Variants in ITIH2 observed in about 807,000 individuals in gnomAD.
ITIH2 encodes the protein inter-alpha-trypsin inhibitor heavy chain 2, also known as inter-alpha-trypsin inhibitor heavy chain H2.
In ITIH2, 103 loss-of-function variants were observed where a neutral mutation model predicts 104.4. The observed-to-expected ratio is 0.99, with a 90% CI of 0.84 to 1.16. ITIH2 has a LOEUF of 1.16. ITIH2 is among the 50% of genes most tolerant of loss of function. The pLI is 0.00. For missense variants in ITIH2, 1,108 were observed against 1,162.4 expected, an observed-to-expected ratio of 0.95 and a Z score of 0.68; for synonymous variants, 436 against 435.4, an observed-to-expected ratio of 1.00 and a Z score of -0.02.
Position 7,726,932 on chromosome 10 carries a change from T to A in ITIH2, c.985-18T>A. ...GATTTTCTGTAATGGGACCTGTCTTTATTCTCTATTGAAATAGACTGTGGA... is the reference window on the plus strand; with the variant it reads ...GATTTTCTGTAATGGGACCTGTCTTAATTCTCTATTGAAATAGACTGTGGA... On this transcript the variant is annotated intron_variant, in intron 9 of 20. Transcript: ENST00000358415. 1 of 1,579,262 alleles carries A rather than the reference T, an allele frequency of 6.3e-7. No individual in the cohort carries two copies. Among genetic ancestry groups the A allele is most frequent in the Non-Finnish European group, 8.6e-7 (1 of 1,160,346 alleles).
chr10:7,727,101 A>G lies in ITIH2; in HGVS notation c.1136A>G (p.Lys379Arg). The G allele has an allele frequency of 6.2e-7, 1 of 1,614,042 alleles. No individual in the cohort carries two copies. The highest frequency in any genetic ancestry group is 8.5e-7 in the Non-Finnish European group (1 of 1,179,914). ...GCAGATGCCAAGAGGTATATTGAGA[A>G]AATCCAGCCCAGTGGAGGTGAGTGT... is the stretch of plus-strand genomic sequence containing the variant. ...QVADAKRYIEKIQPSGGTNIN... is the reference protein window; with the variant it reads ...QVADAKRYIERIQPSGGTNIN... The change falls in exon 10 of 21, where the codon AAA becomes AGA. Residue 379 changes from lysine (K) to arginine (R), a missense_variant. Coordinates refer to ENST00000358415, the MANE Select transcript of ITIH2 (RefSeq NM_002216.3).
At chr10:7,743,872 TATTAA>T (rs1316337072) in intron 17 of ITIH2, among the ~76,000 whole-genome samples, 4 of 150,884 alleles carry the variant, frequency 2.7e-5, no homozygotes, top group Middle Eastern at 3.6e-3. Flanking sequence ...GATATAAAAT[TATTAA>T]ATTAAATTTT....
In ITIH2 at chr10:7,717,386, C is replaced by T. The variant is rs185810657; in HGVS notation, c.468-240C>T. On this transcript the variant is annotated intron_variant, in intron 5 of 20. Coordinates refer to ENST00000358415, the MANE Select transcript of ITIH2 (RefSeq NM_002216.3). ...ATCCCTGGTAGTTTTTTGCAGACAA[C>T]ACTCAAGTCAGTAAGAAGCTCTGGG... Among the ~76,000 whole-genome samples the T allele has an allele frequency of 2.0e-5, 3 of 152,318 alleles. No individual in the cohort carries two copies. The East Asian group carries it at 5.8e-4, about 29-fold the overall frequency.
intron 5 of ITIH2, among the ~76,000 whole-genome samples, chr10:7,713,705 T>G (rs1834819395): frequency 6.6e-6 from 1 of 152,248 alleles, no homozygotes; most frequent in South Asian, 2.1e-4. Flanking sequence ...TTTTTAATTG[T>G]AGTTGTTGTT....
intron 11 of ITIH2, among the ~76,000 whole-genome samples, chr10:7,729,014 A>C (rs901113329): frequency 6.6e-6 from 1 of 152,200 alleles, no homozygotes; most frequent in Non-Finnish European, 1.5e-5. Context: ...AAGGAAATAT[A>C]GTTTAAAATA....
intron 16 of ITIH2, among the ~76,000 whole-genome samples, chr10:7,740,714 C>T (rs968731414): frequency 1.3e-5 from 2 of 152,116 alleles, no homozygotes; most frequent in Non-Finnish European, 1.5e-5. Context: ...ACACATCTGC[C>T]CCATGACCTT....
intron 5 of ITIH2, among the ~76,000 whole-genome samples, chr10:7,717,272 T>G (rs1834859301): frequency 6.6e-6 from 1 of 152,284 alleles, no homozygotes; most frequent in East Asian, 1.9e-4. Flanking sequence ...TTTTTTATCA[T>G]CTGAAAAGTC....
intron 4 of ITIH2, among the ~76,000 whole-genome samples, chr10:7,711,630 G>A (rs1834797779): frequency 6.6e-6 from 1 of 152,168 alleles, no homozygotes; most frequent in South Asian, 2.1e-4. Context: ...CTTGGCAAGA[G>A]TCACCTGTCT....
Position 7,730,299 on chromosome 10 carries a change from T to TC in ITIH2, c.1461+172dup, listed in dbSNP as rs1241299089. Among the ~76,000 whole-genome samples the TC allele has an allele frequency of 3.9e-5, 6 of 152,136 alleles. No individual in the cohort carries two copies. The South Asian group carries it at 1.2e-3, about 32-fold the overall frequency. The stretch of plus-strand genomic sequence containing the variant: ...GTGCCCAGTTCCTTTCTCACATGTT[T>TC]CCCCCCACCCTCATATTTCTGCAGT... On this transcript the variant is annotated intron_variant, in intron 12 of 20. Transcript: ENST00000358415.
intron 20 of ITIH2, 109 bp from the exon 21 acceptor site, chr10:7,749,078 G>A (rs1202627943): frequency 1.9e-6 from 2 of 1,064,570 alleles, no homozygotes; most frequent in Non-Finnish European, 2.8e-6. Context: ...TAGGTGGGGG[G>A]CGGCAGATGT....
intron 5 of ITIH2, among the ~76,000 whole-genome samples, chr10:7,714,698 C>T (rs574087995): frequency 9.8e-4 from 149 of 152,228 alleles, no homozygotes; most frequent in Non-Finnish European, 1.6e-3. Context: ...GAACCTGTGA[C>T]AACAATATCT....
At chr10:7,732,579 C>T in intron 14 of ITIH2, 102 bp downstream of exon 14, 1 of 1,251,652 alleles carries the variant, frequency 8.0e-7, no homozygotes, top group Non-Finnish European at 1.1e-6. Context: ...GCAAGAAAGA[C>T]AGCACATTAG....
intron 15 of ITIH2, among the ~76,000 whole-genome samples, chr10:7,735,921 C>T (rs2130958978): frequency 6.6e-6 from 1 of 152,300 alleles, no homozygotes; most frequent in South Asian, 2.1e-4. Context: ...GATCCACTTG[C>T]CTTGGCCTCC....
At position 7,707,251 on chromosome 10, in the gene ITIH2, T is replaced by A; in HGVS notation, c.192+18T>A. On this transcript the variant is annotated intron_variant, in intron 3 of 20. Transcript: ENST00000358415. ...AAATGATGGTAAGTTGACTTGATGT[T>A]GTTACAGATTGAATGATTTTCCTGT... 6.4e-7 allele frequency: 1 copy of A among 1,573,124 alleles called. No individual in the cohort carries two copies. The highest frequency in any genetic ancestry group is 8.7e-7 in the Non-Finnish European group (1 of 1,145,398).
In ITIH2 at chr10:7,703,319, C is replaced by T; in HGVS notation, c.-116C>T. 1.5e-6 allele frequency: 1 copy of T among 687,896 alleles called. No homozygotes were observed. Among genetic ancestry groups the T allele is most frequent in the Non-Finnish European group, 2.6e-6 (1 of 385,376 alleles). 42.6% of individuals were successfully genotyped at this position (687,896 alleles called of 1,614,324 possible). On this transcript the variant is annotated 5_prime_UTR_variant, in exon 1 of 21. Coordinates refer to ENST00000358415, the MANE Select transcript of ITIH2 (RefSeq NM_002216.3). ...AGAGAGTTTTTTCTTCTTTTTTCTT[C>T]TTTCTTAAAGCGAACTGTACTCCTC...
chr10:7,727,267 CT>C, intron 10 of ITIH2, 149 bp downstream of exon 10: 1 of 672,938 alleles, frequency 1.5e-6, no homozygotes, highest in Non-Finnish European at 2.5e-6. Context: ...TGGATGAATG[CT>C]AAGTTTGTAG....
At chr10:7,733,610 C>T (rs1156566422) in intron 14 of ITIH2, among the ~76,000 whole-genome samples, 1 of 152,146 alleles carries the variant, frequency 6.6e-6, no homozygotes, top group Non-Finnish European at 1.5e-5. Context: ...TAAGGAAGGG[C>T]TCCCCCATGC....
At chr10:7,734,809 G>A (rs540892286) in intron 14 of ITIH2, 113 bp from the exon 15 acceptor site, 22 of 845,938 alleles carry the variant, frequency 2.6e-5, no homozygotes, top group East Asian at 1.2e-4. Flanking sequence ...TTGCGGCTCC[G>A]CCCCACCCCC....
At chr10:7,706,209 G>A (rs183890701) in intron 2 of ITIH2, among the ~76,000 whole-genome samples, 4 of 152,220 alleles carry the variant, frequency 2.6e-5, no homozygotes, top group Admixed American at 2.6e-4. Flanking sequence ...TTGTCATTGA[G>A]CATTGCATTC....
Sources: allele counts gnomAD v4.1 joint callset (sites outside exome capture counted in the v4.1 genomes callset), GRCh38; gene constraint gnomAD v4.1.1; transcripts MANE v1.5; gene names NCBI Gene and HGNC (gene_info 2026-07-23, HGNC 2026-07-21).